UNC80: variants seen among roughly 807,000 people sequenced by gnomAD.
UNC80 encodes the protein unc-80 subunit of NALCN channel complex, also known as protein unc-80 homolog.
In UNC80, 164 loss-of-function variants were observed where a neutral mutation model predicts 384.6. That is an observed-to-expected ratio of 0.43 (90% CI 0.38 to 0.49). The LOEUF (loss-of-function observed/expected upper bound fraction) is 0.49, where lower values mean the gene tolerates loss of function less well. Among genes scored for constraint, UNC80 ranks in the 20% least tolerant of loss-of-function variants. The probability of loss-of-function intolerance (pLI) is 0.00; values close to 1 mark genes in which losing one functional copy is unlikely to be tolerated. For synonymous variants in UNC80, 1,486 were observed against 1,527.8 expected, an observed-to-expected ratio of 0.97 and a Z score of 0.64; for missense variants, 3,330 against 4,143.0, an observed-to-expected ratio of 0.80 and a Z score of 5.39.
In UNC80 at chr2:209,839,583, A is replaced by T; in HGVS notation, c.3250+153A>T. On this transcript the variant is annotated intron_variant, in intron 19 of 64. Transcript: ENST00000673920. The surrounding 1 kb of genome is among the most constrained non-coding windows in gnomAD (Gnocchi z 4.1). ...CATTCATTCATTTAATTTTTCCCAC[A>T]GTATTTTTCAATACCCTACTATGTG... 1.2e-6 allele frequency: 1 copy of T among 818,228 alleles called. No individual in the cohort carries two copies. The highest frequency in any genetic ancestry group is 3.6e-4 in the Middle Eastern group (1 of 2,762). The allele number at this position is 818,228 out of a possible 1,614,324, so 50.7% of individuals were successfully genotyped here. A position where few individuals can be genotyped will look rare whatever the true frequency, so the allele number is the denominator to read the frequency against.
At position 209,976,206 on chromosome 2, in the gene UNC80, G is replaced by A. The variant is rs568007245; in HGVS notation, c.8675G>A (p.Arg2892Gln). Residue 2892 changes from arginine (R) to glutamine (Q), a missense_variant, in exon 57 of 65, where the codon CGG (arginine) becomes CAG (glutamine). Arg to Gln is a conservative substitution (Grantham distance 43). Coordinates refer to ENST00000673920, the MANE Select transcript of UNC80 (RefSeq NM_001371986.1). The surrounding 1 kb of genome is among the most constrained non-coding windows in gnomAD (Gnocchi z 4.3). ...CTCCAGGTGAAGGAGATGGCTCTGC[G>A]GAAGGTGGGAGGCCTGGCCCTTTGG... Reference protein sequence around the residue: ...LSLQVKEMALRKVGGLALWDF... With the variant: ...LSLQVKEMALQKVGGLALWDF... The A allele has an allele frequency of 4.4e-5, 68 of 1,551,548 alleles. No homozygotes were observed. The highest frequency in any genetic ancestry group is 1.2e-4 in the South Asian group (10 of 84,062).
At position 209,903,916 on chromosome 2, in the gene UNC80, C is replaced by T. The variant is rs571072961; in HGVS notation, c.4582-849C>T. Among the ~76,000 whole-genome samples the T allele has an allele frequency of 4.5e-4, 69 of 151,796 alleles. 1 individual carries two copies. Among genetic ancestry groups the T allele is most frequent in the East Asian group, 1.9e-4 (1 of 5,154 alleles). On this transcript the variant is annotated intron_variant, in intron 28 of 64. Transcript: ENST00000673920. ...TTCAATATGGAACACAGTCCCTCACCGGTTAGTTGTTAAGGTGGGAACTAT... is the reference window on the plus strand; with the variant it reads ...TTCAATATGGAACACAGTCCCTCACTGGTTAGTTGTTAAGGTGGGAACTAT...
intron 56 of UNC80, among the ~76,000 whole-genome samples, chr2:209,974,475 G>C (rs987799885): frequency 6.6e-6 from 1 of 152,182 alleles, no homozygotes; most frequent in Non-Finnish European, 1.5e-5. Context: ...CACTTGATGA[G>C]TTTCTGTCCT....
In UNC80 at chr2:209,978,944, T is replaced by A. The variant is rs887749317; in HGVS notation, c.9118+236T>A. ...TTCAGGGAAAAAGTAAATATGAATT[T>A]GAATACATTAATTTCTGCTTCTGGC... is the stretch of plus-strand genomic sequence containing the variant. On this transcript the variant is annotated intron_variant, in intron 59 of 64. Transcript: ENST00000673920. Among the ~76,000 whole-genome samples, 5 of 152,220 alleles carry A rather than the reference T, an allele frequency of 3.3e-5. No individual in the cohort carries two copies. In the East Asian group the frequency reaches 9.6e-4, roughly 29 times the overall value.
chr2:209,827,120 T>A (rs1209343541), intron 14 of UNC80, among the ~76,000 whole-genome samples: 1 of 152,166 alleles, frequency 6.6e-6, no homozygotes, highest in Non-Finnish European at 1.5e-5. Context: ...TTGAAACTTT[T>A]GACCAAGATC....
intron 24 of UNC80, among the ~76,000 whole-genome samples, chr2:209,879,438 G>A (rs1252881803): frequency 6.6e-6 from 1 of 152,072 alleles, no homozygotes. Context: ...GTTTTTTGTT[G>A]AGACTAGGTA....
At chr2:209,947,358 G>A (rs778456677) in intron 47 of UNC80, among the ~76,000 whole-genome samples, 20 of 152,122 alleles carry the variant, frequency 1.3e-4, no homozygotes, top group Non-Finnish European at 2.1e-4. Flanking sequence ...CTGCAACATA[G>A]AGAACACCTA....
At chr2:209,896,554 G>T in intron 28 of UNC80, 141 bp downstream of exon 28, 1 of 736,630 alleles carries the variant, frequency 1.4e-6, no homozygotes. Flanking sequence ...TGTTTTACCT[G>T]AATATCTCAA....
chr2:209,884,379 G>T (rs992181824), intron 25 of UNC80, among the ~76,000 whole-genome samples: 3 of 152,162 alleles, frequency 2.0e-5, no homozygotes, highest in Non-Finnish European at 4.4e-5. Flanking sequence ...GTTTGTTACA[G>T]AAAACAGCAT....
rs1472080710 is a variant in UNC80, at chr2:209,819,204, A to G, written c.1905A>G (p.Thr635=). The change falls in exon 12 of 65, where the codon ACA becomes ACG. Residue 635 remains threonine (T), a synonymous_variant. Transcript: ENST00000673920. ...SCINYSYLED[T]EHIDGTNNFV... ...TAAACTACAGCTACCTAGAGGACAC[A>G]GAACATATTGACGGGACCAATAACT... 4 of 1,552,018 alleles carry G rather than the reference A, an allele frequency of 2.6e-6. No individual in the cohort carries two copies. The highest frequency in any genetic ancestry group is 4.9e-5 in the East Asian group (2 of 40,928).
chr2:209,984,502 A>G (rs2093237853), intron 60 of UNC80, among the ~76,000 whole-genome samples: 1 of 152,196 alleles, frequency 6.6e-6, no homozygotes, highest in Non-Finnish European at 1.5e-5. Flanking sequence ...ATCACCACCT[A>G]GCCAAATGGT....
intron 21 of UNC80, among the ~76,000 whole-genome samples, chr2:209,843,568 A>C (rs2081925890): frequency 6.6e-6 from 1 of 152,146 alleles, no homozygotes. Flanking sequence ...TGAGATTAAA[A>C]TATAAATAAA....
At chr2:209,978,236 C>T (rs2093061324) in intron 58 of UNC80, among the ~76,000 whole-genome samples, 1 of 152,096 alleles carries the variant, frequency 6.6e-6, no homozygotes, top group Non-Finnish European at 1.5e-5. Flanking sequence ...ATCCTACCAA[C>T]CTTGGAAAAT....
intron 51 of UNC80, among the ~76,000 whole-genome samples, chr2:209,966,195 T>C (rs2092737195): frequency 6.6e-6 from 1 of 152,226 alleles, no homozygotes; most frequent in Non-Finnish European, 1.5e-5. Context: ...TGGTAGTAAC[T>C]TAATGTATTA....
At chr2:209,792,834 C>T (rs779707666) in intron 6 of UNC80, among the ~76,000 whole-genome samples, 4 of 152,150 alleles carry the variant, frequency 2.6e-5, no homozygotes, top group Non-Finnish European at 5.9e-5. Flanking sequence ...CTTCTCTGAC[C>T]TATACTTACC....
chr2:209,857,988 C>T (rs893916490), intron 22 of UNC80, among the ~76,000 whole-genome samples: 6 of 152,084 alleles, frequency 3.9e-5, no homozygotes, highest in Non-Finnish European at 7.4e-5. Context: ...AATTTGTATT[C>T]GCCACTTGTA....
chr2:209,895,637 T>A (rs1266316649), intron 27 of UNC80, among the ~76,000 whole-genome samples: 1 of 152,232 alleles, frequency 6.6e-6, no homozygotes, highest in Non-Finnish European at 1.5e-5. Context: ...AATAGCCAGG[T>A]TGAAAACATT....
chr2:209,900,435 T>C (rs777810873), intron 28 of UNC80, among the ~76,000 whole-genome samples: 1 of 152,152 alleles, frequency 6.6e-6, no homozygotes, highest in Non-Finnish European at 1.5e-5. Flanking sequence ...TGGGACACCA[T>C]GAACCACACC....
chr2:209,786,519 A>G (rs905789753), intron 5 of UNC80, among the ~76,000 whole-genome samples: 1 of 152,206 alleles, frequency 6.6e-6, no homozygotes, highest in Non-Finnish European at 1.5e-5. Flanking sequence ...TGTCTGGCAC[A>G]TAGTAAGTGG....
Sources: gnomAD v4.1 joint callset for allele counts (sites outside exome capture counted in the v4.1 genomes callset) on GRCh38, gnomAD v4.1.1 for gene constraint, Gnocchi (gnomAD v3.1) non-coding constraint, MANE v1.5 for transcripts, NCBI Gene and HGNC (gene_info 2026-07-23, HGNC 2026-07-21) for gene names.